SPC24: variants seen among roughly 807,000 people sequenced by gnomAD.
The protein encoded by SPC24 is SPC24 component of NDC80 kinetochore complex.
Under a neutral mutation model 27.6 loss-of-function variants are expected in SPC24, and 31 were observed. The ratio of observed to expected loss-of-function variants is 1.12; its 90% CI spans 0.84 to 1.52. SPC24 has a LOEUF of 1.52. SPC24 is among the 40% of genes most tolerant of loss of function. SPC24 has a pLI of 0.00. For synonymous variants in SPC24, 105 were observed against 105.8 expected (o/e 0.99, Z 0.05); for missense variants, 284 against 252.5 (o/e 1.12, Z -0.84).
rs542765506 is a variant in SPC24 at position 11,155,537 on chromosome 19, T to C, written c.160+80A>G. The C allele has an allele frequency of 3.0e-5, 43 of 1,456,050 alleles. No homozygotes were observed. The South Asian group carries it at 5.1e-4, about 17-fold the overall frequency. The allele number at this position is 1,456,050 out of a possible 1,614,324, so 90.2% of individuals were successfully genotyped here. Reference sequence around the variant, plus strand: ...ATGGGAGAGTCCAGGAGAGAAGGGGTTTTGAGGTGGGCCTGGTCGCCCCCT... The same window carrying C: ...ATGGGAGAGTCCAGGAGAGAAGGGGCTTTGAGGTGGGCCTGGTCGCCCCCT... On this transcript the variant is annotated intron_variant, in intron 1 of 4. Transcript: ENST00000592540.
At chr19:11,150,775 G>A (rs2077864815) in intron 1 of SPC24, among the ~76,000 whole-genome samples, 1 of 152,094 alleles carries the variant, frequency 6.6e-6, no homozygotes, top group Non-Finnish European at 1.5e-5. Flanking sequence ...CTGGGTGACA[G>A]AGAGAGACCC....
chr19:11,152,196 C>T (rs1050326397), intron 1 of SPC24, among the ~76,000 whole-genome samples: 1 of 151,918 alleles, frequency 6.6e-6, no homozygotes, highest in African/African-American at 2.4e-5. Flanking sequence ...GTTGGGATTA[C>T]AGGCATGAGC....
chr19:11,149,342 G>T (rs1381334651), intron 1 of SPC24, 104 bp from the exon 2 acceptor site: 1 of 1,099,948 alleles, frequency 9.1e-7, no homozygotes, highest in Non-Finnish European at 1.2e-6. Flanking sequence ...CATGCCCCTT[G>T]TCTGCAGCCC....
intron 1 of SPC24, 89 bp from the exon 2 acceptor site, chr19:11,149,327 A>C: frequency 8.0e-6 from 10 of 1,248,692 alleles, no homozygotes; most frequent in Non-Finnish European, 9.6e-6. Flanking sequence ...TCCACTGGCA[A>C]GAAACATGCC....
At chr19:11,148,444 C>A (rs2077845992) in intron 2 of SPC24, among the ~76,000 whole-genome samples, 1 of 151,950 alleles carries the variant, frequency 6.6e-6, no homozygotes, top group African/African-American at 2.4e-5. Context: ...CTGACCTCAA[C>A]TGATCTGTCT....
At chr19:11,154,315 G>A (rs1166368103) in intron 1 of SPC24, among the ~76,000 whole-genome samples, 3 of 152,084 alleles carry the variant, frequency 2.0e-5, no homozygotes, top group Admixed American at 6.6e-5. Context: ...CGAGGTGGGC[G>A]ATCACTTGAG....
chr19:11,147,900 C>T lies in SPC24; in HGVS notation c.411-6G>A. ...GGTAAAGTTGAGCCACGTACCTGTA[C>T]AGGAAGACAAAAAAAAAAAAAAAAA... On this transcript the variant is annotated splice_region_variant and splice_polypyrimidine_tract_variant and intron_variant, in intron 3 of 4. Coordinates refer to ENST00000592540, the MANE Select transcript of SPC24 (RefSeq NM_182513.4). The T allele has an allele frequency of 1.7e-6, 2 of 1,178,418 alleles. No homozygotes were observed. The highest frequency in any genetic ancestry group is 2.4e-6 in the Non-Finnish European group (2 of 843,826). The allele number at this position is 1,178,418 out of a possible 1,614,324, so 73.0% of individuals were successfully genotyped here. A position where few individuals can be genotyped will look rare whatever the true frequency, so the allele number is the denominator to read the frequency against.
At chr19:11,148,138 C>A in intron 2 of SPC24, 21 bp from the exon 3 acceptor site, 3 of 1,583,174 alleles carry the variant, frequency 1.9e-6, no homozygotes, top group East Asian at 2.2e-5. Flanking sequence ...TCGTTAAGGA[C>A]CCCGGCTTTC....
At chr19:11,151,921 A>T (rs1464481758) in intron 1 of SPC24, among the ~76,000 whole-genome samples, 5 of 125,326 alleles carry the variant, frequency 4.0e-5, no homozygotes, top group African/African-American at 5.5e-5. Context: ...TTTTTTTTTT[A>T]AACTTTTATT....
At chr19:11,153,903 TA>T (rs1423258527) in intron 1 of SPC24, among the ~76,000 whole-genome samples, 1 of 72,052 alleles carries the variant, frequency 1.4e-5, no homozygotes, top group South Asian at 4.2e-4. Flanking sequence ...CCGTCTCTAC[TA>T]AAAAAATATA....
At position 11,146,949 on chromosome 19, in the gene SPC24, G is replaced by C. The variant is rs1043956928; in HGVS notation, c.*234C>G. Reference sequence around the variant, plus strand: ...CAAAAAATTAGCTGGGTGTGGTGGCGCATGCCTGTAATCCCAGCTACTTTG... The same window carrying C: ...CAAAAAATTAGCTGGGTGTGGTGGCCCATGCCTGTAATCCCAGCTACTTTG... On this transcript the variant is annotated 3_prime_UTR_variant, in exon 5 of 5. Coordinates refer to ENST00000592540, the MANE Select transcript of SPC24 (RefSeq NM_182513.4). 3 of 261,034 alleles carry C rather than the reference G, an allele frequency of 1.1e-5. No homozygotes were observed. Among genetic ancestry groups the C allele is most frequent in the African/African-American group, 4.6e-5 (2 of 43,602 alleles). The allele number at this position is 261,034 out of a possible 1,614,324, so 16.2% of individuals were successfully genotyped here.
intron 1 of SPC24, 194 bp from the exon 2 acceptor site, chr19:11,149,432 T>C: frequency 2.3e-6 from 1 of 425,748 alleles, no homozygotes; most frequent in Non-Finnish European, 4.1e-6. Flanking sequence ...AAATAAAGCC[T>C]CGTCCTTCAC....
rs1401544360 is a variant in SPC24 at position 11,145,653 on chromosome 19, G to C, written c.*1530C>G. On this transcript the variant is annotated 3_prime_UTR_variant, in exon 5 of 5. Coordinates refer to ENST00000592540, the MANE Select transcript of SPC24 (RefSeq NM_182513.4). Reference sequence around the variant, plus strand: ...TGGCTCTGCCATCATCAGGGAACCAGGCTCCTGTCATCCCTAAAGGACGGC... The same window carrying C: ...TGGCTCTGCCATCATCAGGGAACCACGCTCCTGTCATCCCTAAAGGACGGC... 1 of 152,168 alleles carries C rather than the reference G, an allele frequency of 6.6e-6. No individual in the cohort carries two copies. Among genetic ancestry groups the C allele is most frequent in the African/African-American group, 2.4e-5 (1 of 41,436 alleles). 9.4% of individuals were successfully genotyped at this position (152,168 alleles called of 1,614,324 possible).
intron 1 of SPC24, 53 bp downstream of exon 1, chr19:11,155,564 C>A: frequency 6.6e-7 from 1 of 1,510,492 alleles, no homozygotes; most frequent in Non-Finnish European, 8.8e-7. Context: ...TCGCCCCCTC[C>A]CAGCACCCGG....
At chr19:11,154,181 A>G (rs1025615811) in intron 1 of SPC24, among the ~76,000 whole-genome samples, 8 of 152,204 alleles carry the variant, frequency 5.3e-5, no homozygotes, top group Non-Finnish European at 1.0e-4. Context: ...CCATGGATGG[A>G]TGAATGAATA....
chr19:11,152,264 C>CAGT (rs1252099000), intron 1 of SPC24, among the ~76,000 whole-genome samples: 1 of 151,906 alleles, frequency 6.6e-6, no homozygotes, highest in African/African-American at 2.4e-5. Flanking sequence ...GGCTGGAATA[C>CAGT]AGTGGTGTGA....
intron 1 of SPC24, among the ~76,000 whole-genome samples, chr19:11,153,042 T>C (rs1281163076): frequency 6.9e-6 from 1 of 145,874 alleles, no homozygotes; most frequent in Non-Finnish European, 1.5e-5. Context: ...ATAAGGCACC[T>C]GAAACCCCTG....
chr19:11,153,155 TAG>T (rs1414674603), intron 1 of SPC24, among the ~76,000 whole-genome samples: 1 of 151,758 alleles, frequency 6.6e-6, no homozygotes, highest in Non-Finnish European at 1.5e-5. Context: ...GAACTGAAAA[TAG>T]AGTCTTGGCT....
chr19:11,152,733 C>G (rs1234246856), intron 1 of SPC24, among the ~76,000 whole-genome samples: 1 of 152,056 alleles, frequency 6.6e-6, no homozygotes, highest in Non-Finnish European at 1.5e-5. Context: ...ACATCTTTCT[C>G]CTCAAGCCAT....
Sources: allele counts gnomAD v4.1 joint callset (sites outside exome capture counted in the v4.1 genomes callset), GRCh38; gene constraint gnomAD v4.1.1; transcripts MANE v1.5; gene names NCBI Gene and HGNC (gene_info 2026-07-23, HGNC 2026-07-21).